AP5B1: variants seen among roughly 807,000 people sequenced by gnomAD.
AP5B1 encodes the protein AP-5 complex subunit beta-1.
Under a neutral mutation model 5.7 loss-of-function variants are expected in AP5B1, and 3 were observed. The ratio of observed to expected loss-of-function variants is 0.53; its 90% CI spans 0.24 to 1.36. The LOEUF (loss-of-function observed/expected upper bound fraction) is 1.36, where lower values mean the gene tolerates loss of function less well. Ranked by LOEUF, AP5B1 falls within the 40% of genes most tolerant of loss-of-function variation. The pLI is 0.17. For missense variants in AP5B1, 1,310 were observed against 1,143.2 expected (o/e 1.15, Z -2.10); for synonymous variants, 696 against 555.5 (o/e 1.25, Z -3.56).
chr11:65,776,829 T>G lies in AP5B1; in HGVS notation c.*1027A>C, dbSNP rs994996695. On this transcript the variant is annotated 3_prime_UTR_variant, in exon 2 of 2. Coordinates refer to ENST00000532090, the MANE Select transcript of AP5B1 (RefSeq NM_138368.5). ...GCAGGGAGCTTGCAAACCTTGGGAGTTGAGAAGCGCTGGCTCGGCCAGGTG... is the reference window on the plus strand; with the variant it reads ...GCAGGGAGCTTGCAAACCTTGGGAGGTGAGAAGCGCTGGCTCGGCCAGGTG... 1 of 151,824 alleles carries G rather than the reference T, an allele frequency of 6.6e-6. No individual in the cohort carries two copies. Among genetic ancestry groups the G allele is most frequent in the Admixed American group, 6.6e-5 (1 of 15,230 alleles). The allele number at this position is 151,824 out of a possible 1,614,324, so 9.4% of individuals were successfully genotyped here.
rs374900618 is a variant in AP5B1 at position 65,778,295 on chromosome 11, G to A, written c.2198C>T (p.Pro733Leu). 40 of 1,613,004 alleles carry A rather than the reference G, an allele frequency of 2.5e-5. No homozygotes were observed. Among genetic ancestry groups the A allele is most frequent in the East Asian group, 2.5e-4 (11 of 44,886 alleles). The part of the protein sequence containing the change: ...PLLLPLQPRC[P>L]APARLDVHAL... ...ATGGACATCCAGCCGTGCGGGGGCC[G>A]GGCATCGGGGCTGCAGAGGCAGGAG... Residue 733 changes from proline to leucine, a missense_variant, in exon 2 of 2, where the codon CCG (proline) becomes CTG (leucine). By Grantham distance (98) the Pro-to-Leu change is moderately conservative. Transcript: ENST00000532090.
In AP5B1 at chr11:65,778,047, C is replaced by T. The variant is rs1565224736; in HGVS notation, c.2446G>A (p.Glu816Lys). Reference sequence around the variant, plus strand: ...GGCTGGGCCACCACCACAAAAGGCTCCAGGTGGCGGGACACCAAGCCCTCC... The same window carrying T: ...GGCTGGGCCACCACCACAAAAGGCTTCAGGTGGCGGGACACCAAGCCCTCC... ...GLEGLVSRHL[E>K]PFVVVAQPPT... Residue 816 changes from glutamate (E) to lysine (K), a missense_variant, in exon 2 of 2, where the codon GAG becomes AAG. Glu to Lys is a moderately conservative substitution (Grantham distance 56, BLOSUM62 1). Coordinates refer to ENST00000532090, the MANE Select transcript of AP5B1 (RefSeq NM_138368.5). 6.2e-7 allele frequency: 1 copy of T among 1,612,590 alleles called. No individual in the cohort carries two copies.
In AP5B1 at chr11:65,778,942, C is replaced by T. The variant is rs1857804572; in HGVS notation, c.1551G>A (p.Glu517=). 1 of 1,612,814 alleles carries T rather than the reference C, an allele frequency of 6.2e-7. No individual in the cohort carries two copies. The highest frequency in any genetic ancestry group is 1.3e-5 in the African/African-American group (1 of 74,952). The part of the protein sequence containing the change: ...LLDQVDSELR[E]PLKVVLRQVV... ...CCTGCCGCAACACCACCTTCAGGGGCTCCCTCAGCTCAGAGTCCACCTGAT... is the reference window on the plus strand; with the variant it reads ...CCTGCCGCAACACCACCTTCAGGGGTTCCCTCAGCTCAGAGTCCACCTGAT... The change falls in exon 2 of 2, where the codon GAG becomes GAA. Residue 517 remains glutamate (E), a synonymous_variant. Transcript: ENST00000532090.
chr11:65,780,755 G>A lies in AP5B1; in HGVS notation c.-164C>T. 1 of 671,582 alleles carries A rather than the reference G, an allele frequency of 1.5e-6. No individual in the cohort carries two copies. Among genetic ancestry groups the A allele is most frequent in the Non-Finnish European group, 2.1e-6 (1 of 478,508 alleles). 41.6% of individuals were successfully genotyped at this position (671,582 alleles called of 1,614,324 possible). The stretch of plus-strand genomic sequence containing the variant: ...CTCCCACGGTGAGACCAGGGCTCTC[G>A]GGGCCGACGCCAGAGCTGGGCGCCG... On this transcript the variant is annotated 5_prime_UTR_variant, in exon 1 of 2. Transcript: ENST00000532090.
At position 65,778,957 on chromosome 11, in the gene AP5B1, G is replaced by C. The variant is rs751703971; in HGVS notation, c.1536C>G (p.Asp512Glu). 12 of 1,612,758 alleles carry C rather than the reference G, an allele frequency of 7.4e-6. No individual in the cohort carries two copies. The highest frequency in any genetic ancestry group is 9.3e-6 in the Non-Finnish European group (11 of 1,179,810). Reference sequence around the variant, plus strand: ...CCTTCAGGGGCTCCCTCAGCTCAGAGTCCACCTGATCCAAGAGGTCCACAA... The same window carrying C: ...CCTTCAGGGGCTCCCTCAGCTCAGACTCCACCTGATCCAAGAGGTCCACAA... ...PHFVDLLDQV[D>E]SELREPLKVV... Residue 512 changes from aspartate (D) to glutamate (E), a missense_variant, in exon 2 of 2, where the codon GAC (aspartate) becomes GAG (glutamate). By Grantham distance (45) the Asp-to-Glu change is conservative (BLOSUM62 2). Coordinates refer to ENST00000532090, the MANE Select transcript of AP5B1 (RefSeq NM_138368.5).
rs757106058 is a variant in AP5B1, at chr11:65,778,808, G to C, written c.1685C>G (p.Ala562Gly). The change falls in exon 2 of 2, where the codon GCC becomes GGC. Residue 562 changes from alanine (A) to glycine (G), a missense_variant. Physicochemically the swap from Ala to Gly is moderately conservative, Grantham distance 60. Transcript: ENST00000532090. ...CCAGTTCGTGCAGTGGGCAGCCGCG[G>C]CCTGTAGAAAGTTGAGGGTAGCACT... ...AQSATLNFLQAAAAHCTNWDL... is the reference protein window; with the variant it reads ...AQSATLNFLQGAAAHCTNWDL... 1 of 1,611,556 alleles carries C rather than the reference G, an allele frequency of 6.2e-7. No homozygotes were observed. Among genetic ancestry groups the C allele is most frequent in the Non-Finnish European group, 8.5e-7 (1 of 1,179,182 alleles).
chr11:65,780,407 C>A, intron 1 of AP5B1, 35 bp downstream of exon 1: 1 of 1,471,868 alleles, frequency 6.8e-7, no homozygotes, highest in Non-Finnish European at 9.0e-7. Context: ...TGGGGTGACC[C>A]TGCGGAACGG....
Position 65,779,185 on chromosome 11 carries a change from G to C in AP5B1, c.1308C>G (p.Ser436Arg). The C allele has an allele frequency of 6.2e-7, 1 of 1,610,058 alleles. No homozygotes were observed. Among genetic ancestry groups the C allele is most frequent in the Non-Finnish European group, 8.5e-7 (1 of 1,178,356 alleles). ...GCAGCTCTTCCAGGTAGTGCCGTGG[G>C]CTTGGAAGCTGGCCTTTCTCCTCTT... is the stretch of plus-strand genomic sequence containing the variant. ...EEEEEKGQLP[S>R]PRHYLEELLA... The change falls in exon 2 of 2, where the codon AGC becomes AGG. Residue 436 changes from serine (S) to arginine (R), a missense_variant. Physicochemically the swap from Ser to Arg is moderately radical, Grantham distance 110. Coordinates refer to ENST00000532090, the MANE Select transcript of AP5B1 (RefSeq NM_138368.5).
In AP5B1 at chr11:65,777,007, G is replaced by A. The variant is rs906532320; in HGVS notation, c.*849C>T. On this transcript the variant is annotated 3_prime_UTR_variant, in exon 2 of 2. Coordinates refer to ENST00000532090, the MANE Select transcript of AP5B1 (RefSeq NM_138368.5). ...ACACCTGTAGTCCCAGCTACTCGGA[G>A]GCAGGCTGAGATGGGAGGATCACCT... 1.3e-5 allele frequency: 2 copies of A among 152,340 alleles called. No homozygotes were observed. The highest frequency in any genetic ancestry group is 6.5e-5 in the Admixed American group (1 of 15,288). The allele number at this position is 152,340 out of a possible 1,614,324, so 9.4% of individuals were successfully genotyped here. A position where few individuals can be genotyped will look rare whatever the true frequency, so the allele number is the denominator to read the frequency against.
Position 65,778,728 on chromosome 11 carries a change from T to C in AP5B1, c.1765A>G (p.Arg589Gly). ...TGCAGCAAGTCGACCAGGCCGCCCC[T>C]CACCCCTGCCCGCAGCAGCGCCCGG... ...VCRALLRAGVRGGLVDLLQVL... is the reference protein window; with the variant it reads ...VCRALLRAGVGGGLVDLLQVL... The change falls in exon 2 of 2, where the codon AGG becomes GGG. Residue 589 changes from arginine (R) to glycine (G), a missense_variant. By Grantham distance (125) the Arg-to-Gly change is moderately radical. Transcript: ENST00000532090. The C allele has an allele frequency of 6.3e-7, 1 of 1,599,034 alleles. No individual in the cohort carries two copies. The highest frequency in any genetic ancestry group is 1.1e-5 in the South Asian group (1 of 89,584).
chr11:65,779,460 C>T lies in AP5B1; in HGVS notation c.1033G>A (p.Ala345Thr), dbSNP rs565187118. The change falls in exon 2 of 2, where the codon GCG becomes ACG. Residue 345 changes from alanine to threonine, a missense_variant. Coordinates refer to ENST00000532090, the MANE Select transcript of AP5B1 (RefSeq NM_138368.5). ...GEALFTAQDE[A>T]LLLRRLTLAA... The stretch of plus-strand genomic sequence containing the variant: ...AAGGTGAGCCGGCGGAGCAGCAACG[C>T]TTCATCCTGGGCTGTGAACAAGGCC... The T allele has an allele frequency of 6.2e-7, 1 of 1,604,996 alleles. No individual in the cohort carries two copies. The highest frequency in any genetic ancestry group is 1.3e-5 in the African/African-American group (1 of 74,946).
chr11:65,779,443 C>T lies in AP5B1; in HGVS notation c.1050G>A (p.Arg350=), dbSNP rs1315580423. The change falls in exon 2 of 2, where the codon CGG becomes CGA. Residue 350 remains arginine, a synonymous_variant. Transcript: ENST00000532090. ...TAQDEALLLR[R]LTLAAQHPAL... is the part of the protein sequence containing the mutation. ...CAGGGTGCTGGGCAGCCAAGGTGAG[C>T]CGGCGGAGCAGCAACGCTTCATCCT... The T allele has an allele frequency of 1.2e-6, 2 of 1,606,960 alleles. No homozygotes were observed. The highest frequency in any genetic ancestry group is 1.7e-6 in the Non-Finnish European group (2 of 1,177,248).
In AP5B1 at chr11:65,774,700, C is replaced by A. The variant is rs1037099052; in HGVS notation, c.*3156G>T. Among the ~76,000 whole-genome samples, 2 of 152,210 alleles carry A rather than the reference C, an allele frequency of 1.3e-5. No individual in the cohort carries two copies. The highest frequency in any genetic ancestry group is 4.8e-5 in the African/African-American group (2 of 41,454). ...CTGGGATTACAGGTGTGAGCCACCG[C>A]CCCCGGCCCTTGACTCCCTTCACAT... On this transcript the variant is annotated 3_prime_UTR_variant, in exon 2 of 2. Coordinates refer to ENST00000532090, the MANE Select transcript of AP5B1 (RefSeq NM_138368.5).
Position 65,775,574 on chromosome 11 carries a change from C to A in AP5B1, c.*2282G>T, listed in dbSNP as rs1857754475. Among the ~76,000 whole-genome samples, 1 of 152,308 alleles carries A rather than the reference C, an allele frequency of 6.6e-6. No homozygotes were observed. Among genetic ancestry groups the A allele is most frequent in the Non-Finnish European group, 1.5e-5 (1 of 68,018 alleles). ...TCAGGAGGCAGGAGTGGCAGTCCCA[C>A]CCCATGTCCCAGGGCCCAAGCCCAG... On this transcript the variant is annotated 3_prime_UTR_variant, in exon 2 of 2. Coordinates refer to ENST00000532090, the MANE Select transcript of AP5B1 (RefSeq NM_138368.5).
rs1157569568 is a variant in AP5B1, at chr11:65,779,113, G to C, written c.1380C>G (p.Ala460=). The part of the protein sequence containing the change: ...QRAALDGGPR[A]LATLCFQASY... Reference sequence around the variant, plus strand: ...AGGCCTGGAAGCAGAGAGTGGCCAAGGCCCGGGGGCCCCCATCCAGGGCTG... The same window carrying C: ...AGGCCTGGAAGCAGAGAGTGGCCAACGCCCGGGGGCCCCCATCCAGGGCTG... The change falls in exon 2 of 2, where the codon GCC becomes GCG. Residue 460 remains alanine, a synonymous_variant. Transcript: ENST00000532090. 1 of 1,608,254 alleles carries C rather than the reference G, an allele frequency of 6.2e-7. No individual in the cohort carries two copies. The highest frequency in any genetic ancestry group is 1.7e-5 in the Admixed American group (1 of 59,170).
At position 65,774,283 on chromosome 11, in the gene AP5B1, G is replaced by C. The variant is rs1046750046; in HGVS notation, c.*3573C>G. Among the ~76,000 whole-genome samples the C allele has an allele frequency of 6.6e-6, 1 of 152,232 alleles. No homozygotes were observed. Among genetic ancestry groups the C allele is most frequent in the Non-Finnish European group, 1.5e-5 (1 of 68,044 alleles). On this transcript the variant is annotated 3_prime_UTR_variant, in exon 2 of 2. Coordinates refer to ENST00000532090, the MANE Select transcript of AP5B1 (RefSeq NM_138368.5). ...CATTTGTTACAGCGTATCCAGGTGA[G>C]ATTATGACTCAACTATTTAGCACCT...
In AP5B1 at chr11:65,778,495, C is replaced by T; in HGVS notation, c.1998G>A (p.Leu666=). 6.4e-7 allele frequency: 1 copy of T among 1,572,792 alleles called. No individual in the cohort carries two copies. Among genetic ancestry groups the T allele is most frequent in the Non-Finnish European group, 8.6e-7 (1 of 1,164,080 alleles). ...CCTTGACCCGATGGGACCCCAGGCT[C>T]AGCCGTACCAGGGCCGGTGCCTCCT... ...MVQEAPALVR[L]SLGSHRVKGP... Residue 666 remains leucine, a synonymous_variant, in exon 2 of 2, where the codon CTG becomes CTA. Transcript: ENST00000532090.
chr11:65,780,783 G>A lies in AP5B1; in HGVS notation c.-192C>T. The A allele has an allele frequency of 2.1e-6, 1 of 472,480 alleles. No individual in the cohort carries two copies. 29.3% of individuals were successfully genotyped at this position (472,480 alleles called of 1,614,324 possible). The stretch of plus-strand genomic sequence containing the variant: ...GCCGACGCCAGAGCTGGGCGCCGGG[G>A]CCCTCGCGGGACAGGACAGGAGCAG... On this transcript the variant is annotated 5_prime_UTR_variant, in exon 1 of 2. Coordinates refer to ENST00000532090, the MANE Select transcript of AP5B1 (RefSeq NM_138368.5).
chr11:65,778,830 C>A lies in AP5B1; in HGVS notation c.1663G>T (p.Ala555Ser), dbSNP rs775245158. Residue 555 changes from alanine to serine, a missense_variant, in exon 2 of 2, where the codon GCT becomes TCT. By Grantham distance (99) the Ala-to-Ser change is moderately conservative. Coordinates refer to ENST00000532090, the MANE Select transcript of AP5B1 (RefSeq NM_138368.5). The part of the protein sequence containing the change: ...AKVADGDAQS[A>S]TLNFLQAAAA... ...GCGGCCTGTAGAAAGTTGAGGGTAG[C>A]ACTCTGGGCATCTCCATCTGCCACC... 4 of 1,610,052 alleles carry A rather than the reference C, an allele frequency of 2.5e-6. No homozygotes were observed. In the African/African-American group the frequency reaches 4.0e-5, roughly 16 times the overall value.
Sources: allele counts gnomAD v4.1 joint callset (sites outside exome capture counted in the v4.1 genomes callset), GRCh38; gene constraint gnomAD v4.1.1; transcripts MANE v1.5; gene names NCBI Gene and HGNC (gene_info 2026-07-23, HGNC 2026-07-21).